TRIM59: variants seen among roughly 807,000 people sequenced by gnomAD.
TRIM59 encodes tripartite motif containing 59.
TRIM59 carries 14 observed loss-of-function variants against 32.2 expected under a neutral mutation model. That is an observed-to-expected ratio of 0.43 (90% CI 0.29 to 0.68). The LOEUF is 0.68. TRIM59 is among the 30% of genes least tolerant of loss of function. The pLI is 0.15. For missense variants in TRIM59, 471 were observed against 463.3 expected, an observed-to-expected ratio of 1.02 and a Z score of -0.15; for synonymous variants, 163 against 155.1, an observed-to-expected ratio of 1.05 and a Z score of -0.38.
In TRIM59 at chr3:160,437,463, C is replaced by G; in HGVS notation, c.*509G>C. The G allele has an allele frequency of 1.0e-6, 1 of 984,942 alleles. No homozygotes were observed. The highest frequency in any genetic ancestry group is 1.2e-6 in the Non-Finnish European group (1 of 829,500). 61.0% of individuals were successfully genotyped at this position (984,942 alleles called of 1,614,324 possible). ...AGGGCTCTTAAATCTATCTCAAACA[C>G]AGGTATGTTTGATCAAAAGATCTTT... On this transcript the variant is annotated 3_prime_UTR_variant, in exon 3 of 3. Transcript: ENST00000309784.
At position 160,449,721 on chromosome 3, in the gene TRIM59, G is replaced by A. The variant is rs544033453; in HGVS notation, c.-78C>T. 1 of 1,290,004 alleles carries A rather than the reference G, an allele frequency of 7.8e-7. No individual in the cohort carries two copies. Among genetic ancestry groups the A allele is most frequent in the African/African-American group, 1.5e-5 (1 of 65,998 alleles). The allele number at this position is 1,290,004 out of a possible 1,614,324, so 79.9% of individuals were successfully genotyped here. A position where few individuals can be genotyped will look rare whatever the true frequency, so the allele number is the denominator to read the frequency against. On this transcript the variant is annotated 5_prime_UTR_variant, in exon 1 of 3. Coordinates refer to ENST00000309784, the MANE Select transcript of TRIM59 (RefSeq NM_173084.3). Reference sequence around the variant, plus strand: ...CGTAAAGGTCCTTAGACTCACCGCGGGGAGGAAGCGGACCAGGCAACTCCA... The same window carrying A: ...CGTAAAGGTCCTTAGACTCACCGCGAGGAGGAAGCGGACCAGGCAACTCCA...
intron 2 of TRIM59, among the ~76,000 whole-genome samples, chr3:160,445,574 G>C (rs1719485887): frequency 6.6e-6 from 1 of 151,986 alleles, no homozygotes; most frequent in Admixed American, 6.6e-5. Flanking sequence ...AGGAGTTCAA[G>C]ACCAGCCTAG....
chr3:160,448,880 AT>A (rs1394877036), intron 1 of TRIM59, 85 bp from the exon 2 acceptor site: 1 of 693,284 alleles, frequency 1.4e-6, no homozygotes, highest in Non-Finnish European at 2.1e-6. Context: ...TGTCTTTGAT[AT>A]TTATCTTCAC....
intron 2 of TRIM59, among the ~76,000 whole-genome samples, chr3:160,442,743 C>T (rs1719321588): frequency 6.6e-6 from 1 of 152,140 alleles, no homozygotes; most frequent in Admixed American, 6.5e-5. Flanking sequence ...TTTTAGGCAA[C>T]AAATTCAAGA....
In TRIM59 at chr3:160,438,720, G is replaced by C; in HGVS notation, c.464C>G (p.Thr155Arg). 1 of 1,613,986 alleles carries C rather than the reference G, an allele frequency of 6.2e-7. No individual in the cohort carries two copies. The highest frequency in any genetic ancestry group is 8.5e-7 in the Non-Finnish European group (1 of 1,179,978). Residue 155 changes from threonine (T) to arginine (R), a missense_variant, in exon 3 of 3, where the codon ACA (threonine) becomes AGA (arginine). Coordinates refer to ENST00000309784, the MANE Select transcript of TRIM59 (RefSeq NM_173084.3). ...PQKLLEQLTD[T>R]HWTDLTHLIE... is the part of the protein sequence containing the mutation. ...AAGATGGGTAAGATCTGTCCAGTGT[G>C]TGTCAGTCAACTGTTCAAGCAGTTT...
chr3:160,437,215 G>T lies in TRIM59; in HGVS notation c.*757C>A. The T allele has an allele frequency of 3.7e-6, 2 of 547,382 alleles. No homozygotes were observed. The highest frequency in any genetic ancestry group is 4.6e-6 in the Non-Finnish European group (2 of 430,202). The allele number at this position is 547,382 out of a possible 1,614,324, so 33.9% of individuals were successfully genotyped here. On this transcript the variant is annotated 3_prime_UTR_variant, in exon 3 of 3. Transcript: ENST00000309784. The stretch of plus-strand genomic sequence containing the variant: ...AAAAACAATTTTTTTAATTAGCCAG[G>T]CATGGGGGTGTGTGCCTTGTCCCAG...
In TRIM59 at chr3:160,436,695, G is replaced by T. The variant is rs369677420; in HGVS notation, c.*1277C>A. On this transcript the variant is annotated 3_prime_UTR_variant, in exon 3 of 3. Coordinates refer to ENST00000309784, the MANE Select transcript of TRIM59 (RefSeq NM_173084.3). ...TGCCTGTAGTCCCAGCTACTCGGGA[G>T]GCTGAGGCAGGAGAATGGTGTGAAC... 25 of 548,810 alleles carry T rather than the reference G, an allele frequency of 4.6e-5. No homozygotes were observed. In the East Asian group the frequency reaches 1.6e-3, roughly 35 times the overall value. The allele number at this position is 548,810 out of a possible 1,614,324, so 34.0% of individuals were successfully genotyped here.
At chr3:160,447,114 G>A (rs1256550416) in intron 2 of TRIM59, among the ~76,000 whole-genome samples, 4 of 151,712 alleles carry the variant, frequency 2.6e-5, no homozygotes, top group Non-Finnish European at 5.9e-5. Flanking sequence ...GATTAAAATG[G>A]TAAATTTTAT....
chr3:160,435,860 G>A lies in TRIM59; in HGVS notation c.*2112C>T. 1.1e-6 allele frequency: 1 copy of A among 914,186 alleles called. No homozygotes were observed. The highest frequency in any genetic ancestry group is 1.5e-6 in the Non-Finnish European group (1 of 646,674). The allele number at this position is 914,186 out of a possible 1,614,324, so 56.6% of individuals were successfully genotyped here. A position where few individuals can be genotyped will look rare whatever the true frequency, so the allele number is the denominator to read the frequency against. On this transcript the variant is annotated 3_prime_UTR_variant, in exon 3 of 3. Coordinates refer to ENST00000309784, the MANE Select transcript of TRIM59 (RefSeq NM_173084.3). Reference sequence around the variant, plus strand: ...TGCATGGGTTTTCTCACAGCTATATGGCCTTGGACAAGTCACTTGTCAGTT... The same window carrying A: ...TGCATGGGTTTTCTCACAGCTATATAGCCTTGGACAAGTCACTTGTCAGTT...
chr3:160,438,144 A>G lies in TRIM59; in HGVS notation c.1040T>C (p.Phe347Ser), dbSNP rs1560023379. 1 of 1,611,660 alleles carries G rather than the reference A, an allele frequency of 6.2e-7. No individual in the cohort carries two copies. The highest frequency in any genetic ancestry group is 8.5e-7 in the Non-Finnish European group (1 of 1,179,238). The change falls in exon 3 of 3, where the codon TTT becomes TCT. Residue 347 changes from phenylalanine to serine, a missense_variant. By Grantham distance (155) the Phe-to-Ser change is radical (BLOSUM62 -2). Coordinates refer to ENST00000309784, the MANE Select transcript of TRIM59 (RefSeq NM_173084.3). ...LISVILMSIL[F>S]FNQHIITFLS... ...AAAGGTTATGATGTGTTGGTTGAAA[A>G]AGAGTATCGACATCAGTATTACTGA...
intron 1 of TRIM59, 158 bp from the exon 2 acceptor site, chr3:160,448,953 G>C (rs1719675983): frequency 5.7e-6 from 2 of 351,440 alleles, no homozygotes; most frequent in Non-Finnish European, 1.1e-5. Context: ...AGCTGCAGTA[G>C]AGGTATCGCT....
At position 160,436,507 on chromosome 3, in the gene TRIM59, T is replaced by C; in HGVS notation, c.*1465A>G. 1 of 985,736 alleles carries C rather than the reference T, an allele frequency of 1.0e-6. No homozygotes were observed. Among genetic ancestry groups the C allele is most frequent in the South Asian group, 4.7e-5 (1 of 21,288 alleles). The allele number at this position is 985,736 out of a possible 1,614,324, so 61.1% of individuals were successfully genotyped here. A position where few individuals can be genotyped will look rare whatever the true frequency, so the allele number is the denominator to read the frequency against. ...CTCTTAAGCAAAGCTAATAAAAGATTAAGTTGTTGGGCCGGGCGTGGCGGC... is the reference window on the plus strand; with the variant it reads ...CTCTTAAGCAAAGCTAATAAAAGATCAAGTTGTTGGGCCGGGCGTGGCGGC... On this transcript the variant is annotated 3_prime_UTR_variant, in exon 3 of 3. Coordinates refer to ENST00000309784, the MANE Select transcript of TRIM59 (RefSeq NM_173084.3).
Position 160,437,525 on chromosome 3 carries a change from A to G in TRIM59, c.*447T>C, listed in dbSNP as rs1419551546. 1 of 985,614 alleles carries G rather than the reference A, an allele frequency of 1.0e-6. No individual in the cohort carries two copies. Among genetic ancestry groups the G allele is most frequent in the Non-Finnish European group, 1.2e-6 (1 of 830,164 alleles). The allele number at this position is 985,614 out of a possible 1,614,324, so 61.1% of individuals were successfully genotyped here. ...TATCACTTTAAGACTTTGTTGCTTGATTTTGAAACCTTTCTATCATCCTTA... is the reference window on the plus strand; with the variant it reads ...TATCACTTTAAGACTTTGTTGCTTGGTTTTGAAACCTTTCTATCATCCTTA... On this transcript the variant is annotated 3_prime_UTR_variant, in exon 3 of 3. Coordinates refer to ENST00000309784, the MANE Select transcript of TRIM59 (RefSeq NM_173084.3).
chr3:160,438,737 A>C lies in TRIM59; in HGVS notation c.447T>G (p.Leu149=). Residue 149 remains leucine, a synonymous_variant, in exon 3 of 3, where the codon CTT becomes CTG. Coordinates refer to ENST00000309784, the MANE Select transcript of TRIM59 (RefSeq NM_173084.3). ...LKEKDTPQKL[L]EQLTDTHWTD... is the part of the protein sequence containing the mutation. ...TCCAGTGTGTGTCAGTCAACTGTTCAAGCAGTTTTTGAGGAGTGTCCTTTT... is the reference window on the plus strand; with the variant it reads ...TCCAGTGTGTGTCAGTCAACTGTTCCAGCAGTTTTTGAGGAGTGTCCTTTT... The C allele has an allele frequency of 6.2e-7, 1 of 1,614,086 alleles. No individual in the cohort carries two copies. The highest frequency in any genetic ancestry group is 8.5e-7 in the Non-Finnish European group (1 of 1,179,998).
In TRIM59 at chr3:160,439,164, T is replaced by TC; in HGVS notation, c.19dup (p.Glu7GlyfsTer9). On this transcript the variant is annotated frameshift_variant, in exon 3 of 3. Transcript: ENST00000309784. LOFTEE classifies it high-confidence loss of function. ...ACTATAACATATGGGACAAGTTAAC[T>TC]CTTCCTCAAAATTGTGCATTTCCTG... 1.3e-6 allele frequency: 2 copies of TC among 1,495,996 alleles called. No individual in the cohort carries two copies. The highest frequency in any genetic ancestry group is 1.8e-6 in the Non-Finnish European group (2 of 1,123,626). The allele number at this position is 1,495,996 out of a possible 1,614,324, so 92.7% of individuals were successfully genotyped here.
At chr3:160,448,816 T>G (rs1470971380) in intron 1 of TRIM59, 21 bp from the exon 2 acceptor site, 1 of 1,160,050 alleles carries the variant, frequency 8.6e-7, no homozygotes, top group African/African-American at 1.6e-5. Flanking sequence ...AATAATGTTA[T>G]CTTTAATGTT....
Position 160,436,420 on chromosome 3 carries a change from A to C in TRIM59, c.*1552T>G, listed in dbSNP as rs1360899206. On this transcript the variant is annotated 3_prime_UTR_variant, in exon 3 of 3. Transcript: ENST00000309784. Reference sequence around the variant, plus strand: ...CATGGACAGTGGGCCAAAAGTCGTAACACATGCATCATAACTCCAGTCCCT... The same window carrying C: ...CATGGACAGTGGGCCAAAAGTCGTACCACATGCATCATAACTCCAGTCCCT... The C allele has an allele frequency of 1.0e-6, 1 of 985,854 alleles. No individual in the cohort carries two copies. The highest frequency in any genetic ancestry group is 1.7e-5 in the African/African-American group (1 of 57,258). 61.1% of individuals were successfully genotyped at this position (985,854 alleles called of 1,614,324 possible).
rs1301164415 is a variant in TRIM59 at position 160,439,206 on chromosome 3, T to C, written c.-3-20A>G. The C allele has an allele frequency of 6.7e-7, 1 of 1,488,078 alleles. No homozygotes were observed. Among genetic ancestry groups the C allele is most frequent in the Non-Finnish European group, 8.9e-7 (1 of 1,118,876 alleles). The allele number at this position is 1,488,078 out of a possible 1,614,324, so 92.2% of individuals were successfully genotyped here. On this transcript the variant is annotated intron_variant, in intron 2 of 2. Transcript: ENST00000309784. ...CATTTCCTGTCAAGAGAAAAATGTA[T>C]TTTAAGTTTACATAGAGACACCTGT... is the stretch of plus-strand genomic sequence containing the variant.
At chr3:160,441,753 CAAAAAA>C (rs538957200) in intron 2 of TRIM59, among the ~76,000 whole-genome samples, 2 of 50,126 alleles carry the variant, frequency 4.0e-5, no homozygotes, top group South Asian at 7.2e-4. Flanking sequence ...GACTCCATCT[CAAAAAA>C]AAAAAAAAAA....
Sources: gnomAD v4.1 joint callset for allele counts (sites outside exome capture counted in the v4.1 genomes callset) on GRCh38, gnomAD v4.1.1 for gene constraint, MANE v1.5 for transcripts, NCBI Gene and HGNC (gene_info 2026-07-23, HGNC 2026-07-21) for gene names.